Variants in PSG4 observed in about 807,000 individuals in gnomAD.
The protein encoded by PSG4 is pregnancy specific beta-1-glycoprotein 4.
PSG4 carries 61 observed loss-of-function variants against 44.3 expected under a neutral mutation model. The ratio of observed to expected loss-of-function variants is 1.38; its 90% CI spans 1.12 to 1.70. The LOEUF is 1.70. Ranked by LOEUF, PSG4 falls within the 40% of genes most tolerant of loss-of-function variation. The probability of loss-of-function intolerance (pLI) is 0.00; values close to 1 mark genes in which losing one functional copy is unlikely to be tolerated. For synonymous variants in PSG4, 248 were observed against 191.3 expected, an observed-to-expected ratio of 1.30 and a Z score of -2.45; for missense variants, 677 against 511.7, an observed-to-expected ratio of 1.32 and a Z score of -3.12.
rs375091217 is a variant in PSG4 at position 43,193,329 on chromosome 19, G to A, written c.*43C>T. 23 of 775,150 alleles carry A rather than the reference G, an allele frequency of 3.0e-5. No individual in the cohort carries two copies. Among genetic ancestry groups the A allele is most frequent in the Admixed American group, 6.8e-5 (4 of 58,872 alleles). 48.0% of individuals were successfully genotyped at this position (775,150 alleles called of 1,614,324 possible). On this transcript the variant is annotated 3_prime_UTR_variant, in exon 6 of 6. Coordinates refer to ENST00000405312, the MANE Select transcript of PSG4 (RefSeq NM_002780.5). ...TGGAACAGAGTGGGTCTTGCTCTTC[G>A]TGATTCCATGGGAGAAAATGGAATT... is the stretch of plus-strand genomic sequence containing the variant.
At position 43,198,207 on chromosome 19, in the gene PSG4, AG is replaced by A. The variant is rs1468905409; in HGVS notation, c.498del (p.Leu167Ter). 5.0e-6 allele frequency: 8 copies of A among 1,587,572 alleles called. No homozygotes were observed. The African/African-American group carries it at 1.0e-4, about 20-fold the overall frequency. On this transcript the variant is annotated frameshift_variant, in exon 3 of 6. Coordinates refer to ENST00000405312, the MANE Select transcript of PSG4 (RefSeq NM_002780.5). LOFTEE classifies it high-confidence loss of function. ...LNPREAMEAV[I>X]LTCDPATPAA... ...GCTGGAGTCGCAGGATCACAGGTTA[AG>A]ATCACAGCCTCCATGGCCTCCCTGG...
chr19:43,195,714 G>T (rs1027089979), intron 3 of PSG4, among the ~76,000 whole-genome samples: 2 of 151,194 alleles, frequency 1.3e-5, no homozygotes, highest in Non-Finnish European at 2.9e-5. Flanking sequence ...CTAGAGATGA[G>T]TAATAATGGG....
At position 43,194,339 on chromosome 19, in the gene PSG4, C is replaced by T. The variant is rs1354548221; in HGVS notation, c.1243+1G>A. The T allele has an allele frequency of 6.2e-7, 1 of 1,612,276 alleles. No homozygotes were observed. The highest frequency in any genetic ancestry group is 8.5e-7 in the Non-Finnish European group (1 of 1,179,068). Reference sequence around the variant, plus strand: ...TGCCAAGGATGCTGGGATCCACTTACCAGAGACTTTGACTGTGATGGATTT... The same window carrying T: ...TGCCAAGGATGCTGGGATCCACTTATCAGAGACTTTGACTGTGATGGATTT... On this transcript the variant is annotated splice_donor_variant, in intron 5 of 5. Transcript: ENST00000405312. LOFTEE classifies it high-confidence loss of function.
chr19:43,199,636 G>C lies in PSG4; in HGVS notation c.431-1361C>G, dbSNP rs990333041. On this transcript the variant is annotated intron_variant, in intron 2 of 5. Coordinates refer to ENST00000405312, the MANE Select transcript of PSG4 (RefSeq NM_002780.5). ...TTCAGATTGTGGATTTCTGGATTTG[G>C]GATGCTCAATTTGTAATACTGTAAT... Among the ~76,000 whole-genome samples, 14 of 144,730 alleles carry C rather than the reference G, an allele frequency of 9.7e-5. 3 individuals carry two copies. Among genetic ancestry groups the C allele is most frequent in the African/African-American group, 3.5e-4 (13 of 37,570 alleles). The allele number at this position is 144,730 out of a possible 152,430, so 94.9% of individuals were successfully genotyped here. A position where few individuals can be genotyped will look rare whatever the true frequency, so the allele number is the denominator to read the frequency against.
chr19:43,201,055 T>C (rs1252386684), intron 2 of PSG4, among the ~76,000 whole-genome samples: 4 of 145,400 alleles, frequency 2.8e-5, no homozygotes, highest in African/African-American at 5.3e-5. Context: ...TCCATGTGCT[T>C]TGGGGACTGC....
chr19:43,193,931 A>G, intron 5 of PSG4: 1 of 749,848 alleles, frequency 1.3e-6, no homozygotes, highest in South Asian at 1.5e-5. Flanking sequence ...AGAGAGCAAA[A>G]GTAAATGTTT....
At chr19:43,205,104 C>CTTTT (rs1568391883) in intron 1 of PSG4, among the ~76,000 whole-genome samples, 1 of 54,062 alleles carries the variant, frequency 1.8e-5, no homozygotes, top group African/African-American at 1.0e-4. Context: ...TCTTTTTTTC[C>CTTTT]TTTTTTCTTT....
At chr19:43,198,326 C>A (rs1319962953) in intron 2 of PSG4, 51 bp from the exon 3 acceptor site, 1 of 1,548,192 alleles carries the variant, frequency 6.5e-7, no homozygotes, top group Admixed American at 1.9e-5. Flanking sequence ...TTTGATTCTT[C>A]CAAAGGCATT....
Position 43,202,656 on chromosome 19 carries a change from G to A in PSG4, c.430+1230C>T, listed in dbSNP as rs183714114. ...CATGACAGTGACATGGGCACTTTGG[G>A]AAACACAGGATTTCAAGTTCAGTGA... is the stretch of plus-strand genomic sequence containing the variant. On this transcript the variant is annotated intron_variant, in intron 2 of 5. Coordinates refer to ENST00000405312, the MANE Select transcript of PSG4 (RefSeq NM_002780.5). Among the ~76,000 whole-genome samples, 745 of 144,378 alleles carry A rather than the reference G, an allele frequency of 5.2e-3. 70 individuals carry two copies. The highest frequency in any genetic ancestry group is 0.021 in the Middle Eastern group (6 of 290). The allele number at this position is 144,378 out of a possible 152,430, so 94.7% of individuals were successfully genotyped here.
Position 43,193,105 on chromosome 19 carries a change from A to G in PSG4, c.*267T>C. On this transcript the variant is annotated 3_prime_UTR_variant, in exon 6 of 6. Coordinates refer to ENST00000405312, the MANE Select transcript of PSG4 (RefSeq NM_002780.5). Reference sequence around the variant, plus strand: ...TAAGAGGGGTGGGAGCCTTATCATGATGGGGAGTCTTGTTCTGACATCTTT... The same window carrying G: ...TAAGAGGGGTGGGAGCCTTATCATGGTGGGGAGTCTTGTTCTGACATCTTT... The G allele has an allele frequency of 1.6e-6, 1 of 637,384 alleles. No homozygotes were observed. The allele number at this position is 637,384 out of a possible 1,614,324, so 39.5% of individuals were successfully genotyped here. A position where few individuals can be genotyped will look rare whatever the true frequency, so the allele number is the denominator to read the frequency against.
At position 43,198,349 on chromosome 19, in the gene PSG4, T is replaced by C. The variant is rs562024727; in HGVS notation, c.431-74A>G. On this transcript the variant is annotated intron_variant, in intron 2 of 5. Transcript: ENST00000405312. ...TTCCAAAGGCATTTTTCAATCAGAG[T>C]TGGCATTTCCCACCTCTCAGCCCAC... 9.2e-4 allele frequency: 1,401 copies of C among 1,528,172 alleles called. 95 individuals carry two copies. The highest frequency in any genetic ancestry group is 1.1e-3 in the Non-Finnish European group (1,309 of 1,142,904). 94.7% of individuals were successfully genotyped at this position (1,528,172 alleles called of 1,614,324 possible). A position where few individuals can be genotyped will look rare whatever the true frequency, so the allele number is the denominator to read the frequency against.
Position 43,193,216 on chromosome 19 carries a change from G to A in PSG4, c.*156C>T. The A allele has an allele frequency of 2.6e-6, 2 of 762,662 alleles. No homozygotes were observed. Among genetic ancestry groups the A allele is most frequent in the East Asian group, 2.4e-5 (1 of 41,158 alleles). The allele number at this position is 762,662 out of a possible 1,614,324, so 47.2% of individuals were successfully genotyped here. ...CTGTTGTTATGGTGTCGAACATTTTGGTGAGTTCTGAGTGGCTCACATGTC... is the reference window on the plus strand; with the variant it reads ...CTGTTGTTATGGTGTCGAACATTTTAGTGAGTTCTGAGTGGCTCACATGTC... On this transcript the variant is annotated 3_prime_UTR_variant, in exon 6 of 6. Coordinates refer to ENST00000405312, the MANE Select transcript of PSG4 (RefSeq NM_002780.5).
At chr19:43,204,351 C>G in intron 1 of PSG4, 100 bp from the exon 2 acceptor site, 3 of 1,345,562 alleles carry the variant, frequency 2.2e-6, no homozygotes, top group Non-Finnish European at 3.0e-6. Flanking sequence ...CTTGAAGACA[C>G]ACAAACACAC....
Position 43,193,353 on chromosome 19 carries a change from T to C in PSG4, c.*19A>G. Reference sequence around the variant, plus strand: ...CGTGATTCCATGGGAGAAAATGGAATTGGAGGAACTAGTAGAATTCAGGGT... The same window carrying C: ...CGTGATTCCATGGGAGAAAATGGAACTGGAGGAACTAGTAGAATTCAGGGT... On this transcript the variant is annotated 3_prime_UTR_variant, in exon 6 of 6. Transcript: ENST00000405312. 1 of 775,290 alleles carries C rather than the reference T, an allele frequency of 1.3e-6. No individual in the cohort carries two copies. Among genetic ancestry groups the C allele is most frequent in the African/African-American group, 1.7e-5 (1 of 58,888 alleles). The allele number at this position is 775,290 out of a possible 1,614,324, so 48.0% of individuals were successfully genotyped here.
rs1460570492 is a variant in PSG4, at chr19:43,204,165, C to T, written c.151G>A (p.Val51Ile). 6.3e-7 allele frequency: 1 copy of T among 1,586,868 alleles called. No individual in the cohort carries two copies. The highest frequency in any genetic ancestry group is 8.5e-7 in the Non-Finnish European group (1 of 1,171,498). ...QPPKVSEGKDVLLLVHNLPQN... is the reference protein window; with the variant it reads ...QPPKVSEGKDILLLVHNLPQN... ...GGCAAATTGTGGACAAGTAGAAGAA[C>T]ATCCTTCCCCTCAGAAACTTTGGGT... Residue 51 changes from valine (V) to isoleucine (I), a missense_variant, in exon 2 of 6, where the codon GTT becomes ATT. By Grantham distance (29) the Val-to-Ile change is conservative. Transcript: ENST00000405312.
intron 5 of PSG4, chr19:43,194,107 A>T: frequency 7.7e-7 from 1 of 1,306,424 alleles, no homozygotes; most frequent in Non-Finnish European, 1.0e-6. Flanking sequence ...TATTTCAATG[A>T]AATCAATGTT....
At chr19:43,195,313 C>A (rs1004759766) in intron 3 of PSG4, 40 bp from the exon 4 acceptor site, 3 of 1,598,854 alleles carry the variant, frequency 1.9e-6, no homozygotes, top group Non-Finnish European at 1.7e-6. Context: ...TGTGTGGCAC[C>A]TTTGATTCCT....
chr19:43,204,698 C>CCCCCCCCCCCCCCCG (rs750928690), intron 1 of PSG4: 1 of 155,460 alleles, frequency 6.4e-6, no homozygotes, highest in Non-Finnish European at 1.2e-5. Flanking sequence ...CTGTCTTCCC[C>CCCCCCCCCCCCCCCG]CCACGATGAC....
rs777851047 is a variant in PSG4, at chr19:43,194,501, C to T, written c.1082G>A (p.Arg361Gln). The T allele has an allele frequency of 9.9e-6, 16 of 1,612,318 alleles. No homozygotes were observed. Among genetic ancestry groups the T allele is most frequent in the Middle Eastern group, 1.6e-4 (1 of 6,072 alleles). The change falls in exon 5 of 6, where the codon CGG (arginine) becomes CAG (glutamine). Residue 361 changes from arginine to glutamine, a missense_variant. Physicochemically the swap from Arg to Gln is conservative, Grantham distance 43. Coordinates refer to ENST00000405312, the MANE Select transcript of PSG4 (RefSeq NM_002780.5). ...ATTAATTGTCCAAGAATATTGTGCC[C>T]GTGGGTTAGACTCGGCGAAGCAGGA... ...YLSCFAESNPRAQYSWTINGK... is the reference protein window; with the variant it reads ...YLSCFAESNPQAQYSWTINGK...
Sources: gnomAD v4.1 joint callset for allele counts (sites outside exome capture counted in the v4.1 genomes callset) on GRCh38, gnomAD v4.1.1 for gene constraint, MANE v1.5 for transcripts, NCBI Gene and HGNC (gene_info 2026-07-23, HGNC 2026-07-21) for gene names.